Variants in ZNF618 observed in about 807,000 individuals in gnomAD.
ZNF618 encodes neural precursor cell expressed, developmentally down-regulated 10.
In ZNF618, 34 loss-of-function variants were observed where a neutral mutation model predicts 103.0. The ratio of observed to expected loss-of-function variants is 0.33; its 90% confidence interval spans 0.25 to 0.44. The LOEUF is 0.44. Among genes scored for constraint, ZNF618 ranks in the 20% least tolerant of loss-of-function variants. The pLI, the probability that ZNF618 is intolerant of heterozygous loss-of-function variation, is 1.00. For synonymous variants in ZNF618, 551 were observed against 542.2 expected (o/e 1.02, Z -0.23); for missense variants, 1,059 against 1,295.4 (o/e 0.82, Z 2.80).
At chr9:114,018,809 A>G (rs541642601) in intron 10 of ZNF618, among the ~76,000 whole-genome samples, 2 of 152,132 alleles carry the variant, frequency 1.3e-5, no homozygotes, top group African/African-American at 4.8e-5. Flanking sequence ...TCTGTTACCT[A>G]CTGAAGTCTG....
intron 1 of ZNF618, among the ~76,000 whole-genome samples, chr9:113,892,775 G>C (rs1037662673): frequency 7.2e-5 from 11 of 152,162 alleles, no homozygotes; most frequent in Non-Finnish European, 1.2e-4. Context: ...TGGTTTAAAG[G>C]AGGGACATAG....
At chr9:113,964,750 C>CTTTTT (rs765191153) in intron 1 of ZNF618, among the ~76,000 whole-genome samples, 45 of 98,436 alleles carry the variant, frequency 4.6e-4, no homozygotes, top group Non-Finnish European at 5.5e-4. Context: ...CTCCTTTCTG[C>CTTTTT]TTTTTTTTTT....
intron 1 of ZNF618, among the ~76,000 whole-genome samples, chr9:113,924,375 G>A (rs945762027): frequency 5.4e-5 from 8 of 148,090 alleles, no homozygotes; most frequent in Non-Finnish European, 8.9e-5. Context: ...GACCCCGTTC[G>A]ATTTCTGATG....
chr9:114,019,012 C>T (rs1564305852), intron 10 of ZNF618, among the ~76,000 whole-genome samples: 1 of 152,170 alleles, frequency 6.6e-6, no homozygotes, highest in Non-Finnish European at 1.5e-5. Flanking sequence ...GTATCCATGG[C>T]TGGGACTTGA....
intron 2 of ZNF618, among the ~76,000 whole-genome samples, chr9:113,975,420 A>T (rs1838382770): frequency 6.6e-6 from 1 of 152,228 alleles, no homozygotes. Flanking sequence ...AATTATTTAT[A>T]TCTTCTTCTT....
Position 114,045,657 on chromosome 9 carries a change from C to G in ZNF618, c.1247-2236C>G, listed in dbSNP as rs567224311. ...TTTGGAAATCAGGAAGTATATTCCT[C>G]CAACGTTGTCCTTTTTCTAAATTGT... On this transcript the variant is annotated intron_variant, in intron 13 of 14. Coordinates refer to ENST00000374126, the MANE Select transcript of ZNF618 (RefSeq NM_001318042.2). 3.9e-5 allele frequency among the ~76,000 whole-genome samples: 6 copies of G among 152,116 alleles called. No homozygotes were observed. In the South Asian group the frequency reaches 1.2e-3, roughly 32 times the overall value.
chr9:114,008,418 C>T (rs760305201), intron 8 of ZNF618, 39 bp downstream of exon 8: 40 of 1,613,938 alleles, frequency 2.5e-5, no homozygotes, highest in Middle Eastern at 1.6e-4. Context: ...CCCCTGTCCC[C>T]GGCTGGGCTC....
chr9:113,975,324 A>G (rs1034087663), intron 2 of ZNF618, among the ~76,000 whole-genome samples: 3 of 152,184 alleles, frequency 2.0e-5, no homozygotes, highest in Admixed American at 6.5e-5. Flanking sequence ...ATGGCTTTCA[A>G]TGTAGCTAAG....
chr9:113,899,890 G>A (rs891090503), intron 1 of ZNF618, among the ~76,000 whole-genome samples: 1 of 152,132 alleles, frequency 6.6e-6, no homozygotes, highest in African/African-American at 2.4e-5. Context: ...GGATATATCA[G>A]TTGCTTCCAC....
chr9:113,995,578 T>C (rs993196925), intron 3 of ZNF618, among the ~76,000 whole-genome samples: 4 of 152,070 alleles, frequency 2.6e-5, no homozygotes, highest in African/African-American at 9.7e-5. Context: ...GGATAGAGTT[T>C]TGTTTTAGCA....
chr9:114,047,465 T>G (rs1015281908), intron 13 of ZNF618, among the ~76,000 whole-genome samples: 2 of 152,030 alleles, frequency 1.3e-5, no homozygotes, highest in African/African-American at 4.8e-5. Flanking sequence ...AGTGAGAGAG[T>G]ATGAGGAGTT....
At chr9:114,008,673 G>A in intron 9 of ZNF618, 119 bp downstream of exon 9, 2 of 1,174,750 alleles carry the variant, frequency 1.7e-6, no homozygotes, top group Non-Finnish European at 2.5e-6. Flanking sequence ...TGCAGCAATG[G>A]TGCCCAACCT....
At position 114,038,404 on chromosome 9, in the gene ZNF618, C is replaced by T. The variant is rs1205753811; in HGVS notation, c.1246+2027C>T. Among the ~76,000 whole-genome samples the T allele has an allele frequency of 3.3e-5, 5 of 152,212 alleles. No individual in the cohort carries two copies. In the South Asian group the frequency reaches 8.3e-4, roughly 25 times the overall value. On this transcript the variant is annotated intron_variant, in intron 13 of 14. Transcript: ENST00000374126. Reference sequence around the variant, plus strand: ...CGTGGGCTGCTTTGTTCTGGTTCAGCGCAGCCAGAGAATGCCTGGCCGGCC... The same window carrying T: ...CGTGGGCTGCTTTGTTCTGGTTCAGTGCAGCCAGAGAATGCCTGGCCGGCC...
intron 9 of ZNF618, among the ~76,000 whole-genome samples, chr9:114,012,624 A>G (rs1842353658): frequency 6.6e-6 from 1 of 152,230 alleles, no homozygotes; most frequent in African/African-American, 2.4e-5. Flanking sequence ...GAGGAGTGAG[A>G]CGAGGAAGGA....
intron 1 of ZNF618, among the ~76,000 whole-genome samples, chr9:113,939,781 C>T (rs572828333): frequency 6.6e-5 from 10 of 152,002 alleles, no homozygotes; most frequent in African/African-American, 2.4e-4. Context: ...TCTTTCCCTC[C>T]TTCCCTCCCT....
At chr9:113,933,667 T>C (rs1833797108) in intron 1 of ZNF618, among the ~76,000 whole-genome samples, 1 of 152,158 alleles carries the variant, frequency 6.6e-6, no homozygotes, top group Non-Finnish European at 1.5e-5. Flanking sequence ...TGGTCACACA[T>C]TTAAAGTCAG....
chr9:114,049,292 C>G lies in ZNF618; in HGVS notation c.1990C>G (p.Leu664Val). The change falls in exon 15 of 15, where the codon CTG (leucine) becomes GTG (valine). Residue 664 changes from leucine (L) to valine (V), a missense_variant. Leu to Val is a conservative substitution (Grantham distance 32). Coordinates refer to ENST00000374126, the MANE Select transcript of ZNF618 (RefSeq NM_001318042.2). ...QARSMHEVIE[L>V]LNVCEDLAGS... ...CCGCAGCATGCACGAGGTCATCGAG[C>G]TGCTCAACGTGTGCGAGGACCTGGC... The G allele has an allele frequency of 6.2e-7, 1 of 1,612,216 alleles. No homozygotes were observed. The highest frequency in any genetic ancestry group is 1.1e-5 in the South Asian group (1 of 91,052).
At chr9:113,987,487 A>T (rs1315339534) in intron 2 of ZNF618, among the ~76,000 whole-genome samples, 1 of 152,216 alleles carries the variant, frequency 6.6e-6, no homozygotes, top group African/African-American at 2.4e-5. Flanking sequence ...TGGCTCCATG[A>T]CATCTCAACC....
chr9:113,923,851 A>G (rs142855841), intron 1 of ZNF618, among the ~76,000 whole-genome samples: 53 of 152,166 alleles, frequency 3.5e-4, no homozygotes, highest in African/African-American at 1.3e-3. Flanking sequence ...AGATTTTGGA[A>G]TATTTGCATT....
Sources: gnomAD v4.1 joint callset for allele counts (sites outside exome capture counted in the v4.1 genomes callset) on GRCh38, gnomAD v4.1.1 for gene constraint, MANE v1.5 for transcripts, NCBI Gene and HGNC (gene_info 2026-07-23, HGNC 2026-07-21) for gene names.